CBY2: variants seen among roughly 807,000 people sequenced by gnomAD.
The protein encoded by CBY2 is protein chibby homolog 2.
In CBY2, 23 loss-of-function variants were observed where a neutral mutation model predicts 25.3. The ratio of observed to expected loss-of-function variants is 0.91; its 90% CI spans 0.65 to 1.29. CBY2 has a LOEUF of 1.29. CBY2 is among the 50% of genes most tolerant of loss of function. The pLI, the probability that CBY2 is intolerant of heterozygous loss-of-function variation, is 0.00. For synonymous variants in CBY2, 279 were observed against 260.2 expected (o/e 1.07, Z -0.70); for missense variants, 642 against 590.7 (o/e 1.09, Z -0.90).
intron 2 of CBY2, among the ~76,000 whole-genome samples, chr13:45,712,784 T>C (rs1204253596): frequency 6.6e-6 from 1 of 152,172 alleles, no homozygotes; most frequent in East Asian, 1.9e-4. Context: ...AGAAAACACA[T>C]GTGTTAGAGA....
At chr13:45,709,510 G>A (rs1029444806) in intron 2 of CBY2, among the ~76,000 whole-genome samples, 1 of 152,168 alleles carries the variant, frequency 6.6e-6, no homozygotes, top group Non-Finnish European at 1.5e-5. Flanking sequence ...ATTTGAACAT[G>A]GGCTCAGTAT....
Position 45,702,757 on chromosome 13 carries a change from C to A in CBY2, c.76-18C>A. On this transcript the variant is annotated intron_variant, in intron 1 of 2. Transcript: ENST00000310521. ...TGAGCTGGGAAGCAGTAATCTTCTT[C>A]TTTTCTCGTTTCCACAGCACTCAAG... 1 of 1,606,214 alleles carries A rather than the reference C, an allele frequency of 6.2e-7. No homozygotes were observed. Among genetic ancestry groups the A allele is most frequent in the African/African-American group, 1.3e-5 (1 of 74,808 alleles).
At chr13:45,703,351 C>A in intron 2 of CBY2, 1 of 1,430,326 alleles carries the variant, frequency 7.0e-7, no homozygotes, top group South Asian at 1.5e-5. Context: ...GGGCCATGGG[C>A]ATAGATGCTT....
At chr13:45,702,733 G>A in intron 1 of CBY2, 42 bp from the exon 2 acceptor site, 2 of 1,507,264 alleles carry the variant, frequency 1.3e-6, no homozygotes, top group South Asian at 2.3e-5. Context: ...CCCAGAGGAT[G>A]AGCTGGGAAG....
Position 45,713,160 on chromosome 13 carries a change from G to C in CBY2, c.157-22G>C. 1 of 1,578,968 alleles carries C rather than the reference G, an allele frequency of 6.3e-7. No individual in the cohort carries two copies. Among genetic ancestry groups the C allele is most frequent in the Non-Finnish European group, 8.6e-7 (1 of 1,157,728 alleles). Reference sequence around the variant, plus strand: ...GTGTCAGTCCCATCGTTAACGCTGGGCTTTCCCATTCTCTCCCGCAGAGGG... The same window carrying C: ...GTGTCAGTCCCATCGTTAACGCTGGCCTTTCCCATTCTCTCCCGCAGAGGG... On this transcript the variant is annotated intron_variant, in intron 2 of 2. Coordinates refer to ENST00000310521, the MANE Select transcript of CBY2 (RefSeq NM_152719.3). This position sits in a 1 kb window ranked among gnomAD's most constrained non-coding sequence, Gnocchi z 5.0.
Position 45,704,577 on chromosome 13 carries a change from T to C in CBY2, c.156+1722T>C, listed in dbSNP as rs1950229820. On this transcript the variant is annotated intron_variant, in intron 2 of 2. Transcript: ENST00000310521. This position sits in a 1 kb window ranked among gnomAD's most constrained non-coding sequence, Gnocchi z 4.1. Reference sequence around the variant, plus strand: ...CTGCGAGAGGGACCAGTGTGCTCACTCTACCTCCCTAAATGAGATGGCACA... The same window carrying C: ...CTGCGAGAGGGACCAGTGTGCTCACCCTACCTCCCTAAATGAGATGGCACA... Among the ~76,000 whole-genome samples the C allele has an allele frequency of 6.6e-6, 1 of 152,116 alleles. No individual in the cohort carries two copies. Among genetic ancestry groups the C allele is most frequent in the African/African-American group, 2.4e-5 (1 of 41,414 alleles).
chr13:45,706,241 G>C (rs9595372), intron 2 of CBY2, among the ~76,000 whole-genome samples: 58,614 of 152,072 alleles, frequency 0.39, 12,785 homozygotes, highest in African/African-American at 0.59. Flanking sequence ...ATCTGACAAA[G>C]ACACAGTTGT....
In CBY2 at chr13:45,702,339, G is replaced by T; in HGVS notation, c.-52G>T. The stretch of plus-strand genomic sequence containing the variant: ...CCTGTCAGATGCCTCATTCCCACCT[G>T]TGATGCTCAGAGAGAAACCATGAGC... On this transcript the variant is annotated 5_prime_UTR_variant, in exon 1 of 3. Transcript: ENST00000310521. The T allele has an allele frequency of 6.6e-7, 1 of 1,519,606 alleles. No individual in the cohort carries two copies. Among genetic ancestry groups the T allele is most frequent in the Non-Finnish European group, 9.1e-7 (1 of 1,094,058 alleles). 94.1% of individuals were successfully genotyped at this position (1,519,606 alleles called of 1,614,324 possible). A position where few individuals can be genotyped will look rare whatever the true frequency, so the allele number is the denominator to read the frequency against.
intron 2 of CBY2, among the ~76,000 whole-genome samples, chr13:45,708,514 G>A (rs1950252060): frequency 6.6e-6 from 1 of 152,176 alleles, no homozygotes; most frequent in African/African-American, 2.4e-5. Context: ...GGAAAAATTG[G>A]TGCAATAACA....
At chr13:45,703,627 G>A (rs1053020353) in intron 2 of CBY2, 54 of 1,525,602 alleles carry the variant, frequency 3.5e-5, no homozygotes, top group Middle Eastern at 1.7e-4. Context: ...GGATGTGTAG[G>A]AGGAGGATTG....
At chr13:45,703,481 G>A in intron 2 of CBY2, 2 of 1,549,404 alleles carry the variant, frequency 1.3e-6, no homozygotes, top group Non-Finnish European at 1.7e-6. Context: ...CTGCTGCTAT[G>A]TCACAAAGGG....
intron 2 of CBY2, chr13:45,703,602 G>A: frequency 6.5e-7 from 1 of 1,548,862 alleles, no homozygotes; most frequent in East Asian, 2.4e-5. Flanking sequence ...GTAACTATCT[G>A]AGAGCTCTGT....
intron 2 of CBY2, among the ~76,000 whole-genome samples, chr13:45,711,585 T>C (rs1950270394): frequency 6.6e-6 from 1 of 152,058 alleles, no homozygotes; most frequent in Non-Finnish European, 1.5e-5. Context: ...CTTAGATCTG[T>C]CCTAACCACC....
chr13:45,703,586 G>A, intron 2 of CBY2: 2 of 1,550,898 alleles, frequency 1.3e-6, no homozygotes, highest in Non-Finnish European at 1.7e-6. Flanking sequence ...GGAATCCAAT[G>A]CAGAGGTAAC....
chr13:45,705,700 T>C (rs1255557846), intron 2 of CBY2, among the ~76,000 whole-genome samples: 1 of 152,230 alleles, frequency 6.6e-6, no homozygotes, highest in Non-Finnish European at 1.5e-5. Flanking sequence ...GGAGCTGAAT[T>C]AATTTAAAAT....
chr13:45,708,861 C>T (rs1950253807), intron 2 of CBY2, among the ~76,000 whole-genome samples: 1 of 152,186 alleles, frequency 6.6e-6, no homozygotes, highest in Admixed American at 6.5e-5. Context: ...GATAATAGGA[C>T]TCAGTCATTG....
Position 45,714,450 on chromosome 13 carries a change from C to A in CBY2, c.*78C>A. The A allele has an allele frequency of 7.8e-7, 1 of 1,284,556 alleles. No homozygotes were observed. The highest frequency in any genetic ancestry group is 1.5e-5 in the South Asian group (1 of 67,296). 79.6% of individuals were successfully genotyped at this position (1,284,556 alleles called of 1,614,324 possible). The stretch of plus-strand genomic sequence containing the variant: ...AAGAGAATCCCCTGCCTTCCTTTGT[C>A]GTCCTCGCCTTCCCCAGCCAGTTCG... On this transcript the variant is annotated 3_prime_UTR_variant, in exon 3 of 3. Transcript: ENST00000310521.
chr13:45,713,578 G>C lies in CBY2; in HGVS notation c.553G>C (p.Glu185Gln). 6.2e-7 allele frequency: 1 copy of C among 1,613,838 alleles called. No homozygotes were observed. The highest frequency in any genetic ancestry group is 8.5e-7 in the Non-Finnish European group (1 of 1,179,922). ...LREENKALRE[E>Q]NRMLSKENKI... ...GGAGGAGAACAAGGCCCTGCGCGAG[G>C]AGAACCGGATGCTCAGCAAGGAGAA... Residue 185 changes from glutamate (E) to glutamine (Q), a missense_variant, in exon 3 of 3, where the codon GAG becomes CAG. By Grantham distance (29) the Glu-to-Gln change is conservative. Transcript: ENST00000310521. The surrounding 1 kb of genome is among the most constrained non-coding windows in gnomAD (Gnocchi z 5.0).
intron 2 of CBY2, among the ~76,000 whole-genome samples, chr13:45,705,493 C>T (rs973500505): frequency 6.6e-6 from 1 of 152,132 alleles, no homozygotes; most frequent in African/African-American, 2.4e-5. Context: ...TGACAGCACC[C>T]GCCAATTTGA....
Sources: allele counts gnomAD v4.1 joint callset (sites outside exome capture counted in the v4.1 genomes callset), GRCh38; gene constraint gnomAD v4.1.1; non-coding constraint Gnocchi (gnomAD v3.1); transcripts MANE v1.5; gene names NCBI Gene and HGNC (gene_info 2026-07-23, HGNC 2026-07-21).